Variants in KCNQ1 observed in about 807,000 individuals in gnomAD.
The protein encoded by KCNQ1 is potassium voltage-gated channel subfamily Q member 1, also known as potassium voltage-gated channel subfamily KQT member 1.
In KCNQ1, 49 loss-of-function variants were observed where a neutral mutation model predicts 72.4. The observed-to-expected ratio is 0.68, with a 90% CI of 0.54 to 0.86. The LOEUF is 0.86. KCNQ1 is among the 40% of genes least tolerant of loss of function. The pLI, the probability that KCNQ1 is intolerant of heterozygous loss-of-function variation, is 0.00. For synonymous variants in KCNQ1, 450 were observed against 412.6 expected, an observed-to-expected ratio of 1.09 and a Z score of -1.10; for missense variants, 790 against 945.1, an observed-to-expected ratio of 0.84 and a Z score of 2.15.
chr11:2,646,977 T>C (rs1212165278), intron 10 of KCNQ1: 3 of 398,516 alleles, frequency 7.5e-6, no homozygotes, highest in African/African-American at 2.1e-5. Flanking sequence ...GATACCCTTT[T>C]TCTTTTACTT....
chr11:2,835,397 T>TCACA (rs36227626), intron 15 of KCNQ1, among the ~76,000 whole-genome samples: 104 of 130,570 alleles, frequency 8.0e-4, no homozygotes, highest in African/African-American at 2.7e-3. Context: ...AAACCCTGAC[T>TCACA]CACACACACA....
In KCNQ1 at chr11:2,813,031, C is replaced by T. The variant is rs930262005; in HGVS notation, c.1795-34736C>T. On this transcript the variant is annotated intron_variant, in intron 15 of 15. Coordinates refer to ENST00000155840, the MANE Select transcript of KCNQ1 (RefSeq NM_000218.3). The surrounding 1 kb of genome is among the most constrained non-coding windows in gnomAD (Gnocchi z 4.4). ...CTGTGCCTGTGCCTGGAGGCTGTGG[C>T]CTGGCTCTCCAGCTGGAACAGAAGC... is the stretch of plus-strand genomic sequence containing the variant. Among the ~76,000 whole-genome samples, 5 of 152,228 alleles carry T rather than the reference C, an allele frequency of 3.3e-5. No homozygotes were observed. The highest frequency in any genetic ancestry group is 7.3e-5 in the Non-Finnish European group (5 of 68,036).
Position 2,617,730 on chromosome 11 carries a change from T to C in KCNQ1, c.1393+28876T>C, listed in dbSNP as rs1849091503. On this transcript the variant is annotated intron_variant, in intron 10 of 15. Coordinates refer to ENST00000155840, the MANE Select transcript of KCNQ1 (RefSeq NM_000218.3). This position sits in a 1 kb window ranked among gnomAD's most constrained non-coding sequence, Gnocchi z 4.6. ...AGCCAACACTTAATAGCTATTCTCA[T>C]GAGTGTGAGGTGATATCGCATAGTA... The C allele has an allele frequency of 2.5e-6, 1 of 398,384 alleles. No homozygotes were observed. The highest frequency in any genetic ancestry group is 2.1e-5 in the African/African-American group (1 of 48,638). 24.7% of individuals were successfully genotyped at this position (398,384 alleles called of 1,614,324 possible).
At chr11:2,844,150 C>G (rs551594892) in intron 15 of KCNQ1, among the ~76,000 whole-genome samples, 2 of 152,224 alleles carry the variant, frequency 1.3e-5, no homozygotes, top group South Asian at 2.1e-4. Flanking sequence ...GCGCCCTGCC[C>G]GCAGAGTGGT....
At chr11:2,568,934 G>T (rs1454369391) in intron 2 of KCNQ1, among the ~76,000 whole-genome samples, 10 of 152,328 alleles carry the variant, frequency 6.6e-5, no homozygotes, top group African/African-American at 2.4e-4. Context: ...ACCCAGGCTG[G>T]AGTACAATGG....
In KCNQ1 at chr11:2,680,116, T is replaced by A. The variant is rs376766966; in HGVS notation, c.1514+18035T>A. The A allele has an allele frequency of 1.5e-4, 59 of 393,484 alleles. No individual in the cohort carries two copies. The highest frequency in any genetic ancestry group is 1.2e-3 in the African/African-American group (55 of 47,318). 24.4% of individuals were successfully genotyped at this position (393,484 alleles called of 1,614,324 possible). A position where few individuals can be genotyped will look rare whatever the true frequency, so the allele number is the denominator to read the frequency against. On this transcript the variant is annotated intron_variant, in intron 11 of 15. Coordinates refer to ENST00000155840, the MANE Select transcript of KCNQ1 (RefSeq NM_000218.3). ...CATGTTGGCCAGGCTGGTCTCAAAC[T>A]CCTGACCTCAAGTGATCTGCCCGCC...
At position 2,462,644 on chromosome 11, in the gene KCNQ1, C is replaced by G. The variant is rs773374158; in HGVS notation, c.386+17160C>G. Among the ~76,000 whole-genome samples, 13 of 151,938 alleles carry G rather than the reference C, an allele frequency of 8.6e-5. No homozygotes were observed. The highest frequency in any genetic ancestry group is 1.3e-4 in the Non-Finnish European group (9 of 67,996). On this transcript the variant is annotated intron_variant, in intron 1 of 15. Transcript: ENST00000155840. The surrounding 1 kb of genome is among the most constrained non-coding windows in gnomAD (Gnocchi z 8.2). ...ACTTCTGTGTGCCCTGGGGCCTGCT[C>G]TCTTGGTAGGGGTTGACCCTGCCTG...
At chr11:2,631,059 C>T (rs1849344602) in intron 10 of KCNQ1, 4 of 398,476 alleles carry the variant, frequency 1.0e-5, no homozygotes, top group Non-Finnish European at 1.8e-5. Flanking sequence ...TAGGTGAAAC[C>T]TCTTTTAGAT....
At position 2,657,086 on chromosome 11, in the gene KCNQ1, T is replaced by C; in HGVS notation, c.1394-4875T>C. 1 of 398,624 alleles carries C rather than the reference T, an allele frequency of 2.5e-6. No individual in the cohort carries two copies. Among genetic ancestry groups the C allele is most frequent in the African/African-American group, 2.1e-5 (1 of 48,746 alleles). 24.7% of individuals were successfully genotyped at this position (398,624 alleles called of 1,614,324 possible). ...ATCCTGTCCCATTGGCCTATTTGTCTCTCCCTGTGTCAATACCACATTGCC... is the reference window on the plus strand; with the variant it reads ...ATCCTGTCCCATTGGCCTATTTGTCCCTCCCTGTGTCAATACCACATTGCC... On this transcript the variant is annotated intron_variant, in intron 10 of 15. Transcript: ENST00000155840. The surrounding 1 kb of genome is among the most constrained non-coding windows in gnomAD (Gnocchi z 4.8).
intron 15 of KCNQ1, among the ~76,000 whole-genome samples, chr11:2,838,501 T>A (rs1333908958): frequency 6.6e-6 from 1 of 152,106 alleles, no homozygotes; most frequent in Non-Finnish European, 1.5e-5. Flanking sequence ...GCCACCCTGC[T>A]GGGCTGGGGA....
rs1388565763 is a variant in KCNQ1 at position 2,620,908 on chromosome 11, A to G, written c.1393+32054A>G. 5.1e-6 allele frequency: 2 copies of G among 391,984 alleles called. No homozygotes were observed. The highest frequency in any genetic ancestry group is 8.9e-6 in the Non-Finnish European group (2 of 224,464). The allele number at this position is 391,984 out of a possible 1,614,324, so 24.3% of individuals were successfully genotyped here. ...TCTGACTGGTGTGAGATGGCATCCC[A>G]TTATGGTTTGGTGTTTTTTTGTTGT... On this transcript the variant is annotated intron_variant, in intron 10 of 15. Coordinates refer to ENST00000155840, the MANE Select transcript of KCNQ1 (RefSeq NM_000218.3). This position sits in a 1 kb window ranked among gnomAD's most constrained non-coding sequence, Gnocchi z 4.5.
chr11:2,837,391 C>G (rs533333973), intron 15 of KCNQ1, among the ~76,000 whole-genome samples: 1 of 152,108 alleles, frequency 6.6e-6, no homozygotes, highest in Non-Finnish European at 1.5e-5. Flanking sequence ...GAGCCCGCTC[C>G]GCGCTCACAG....
intron 15 of KCNQ1, among the ~76,000 whole-genome samples, chr11:2,806,308 G>A (rs1434402703): frequency 6.6e-6 from 1 of 152,208 alleles, no homozygotes; most frequent in Non-Finnish European, 1.5e-5. Flanking sequence ...AGGGGAGGGA[G>A]AGAGGAAGGG....
Position 2,776,070 on chromosome 11 carries a change from C to T in KCNQ1, c.1685+16C>T, listed in dbSNP as rs185774403. 33 of 1,546,308 alleles carry T rather than the reference C, an allele frequency of 2.1e-5. No homozygotes were observed. Among genetic ancestry groups the T allele is most frequent in the African/African-American group, 5.4e-5 (4 of 73,458 alleles). On this transcript the variant is annotated intron_variant, in intron 13 of 15. Transcript: ENST00000155840. ...TGCAGAGGAGGTGGGCACGGCCAAA[C>T]GGCAGCGGGGAGGGTGCCCAGGTCC...
At position 2,484,701 on chromosome 11, in the gene KCNQ1, T is replaced by C. The variant is rs1248755557; in HGVS notation, c.386+39217T>C. Among the ~76,000 whole-genome samples, 1 of 152,112 alleles carries C rather than the reference T, an allele frequency of 6.6e-6. No homozygotes were observed. The highest frequency in any genetic ancestry group is 1.5e-5 in the Non-Finnish European group (1 of 68,020). ...TGGTCTTTAGAAACCCAGGCCTGGGTGCATGGTGTGCTCATCGCCACTGTG... is the reference window on the plus strand; with the variant it reads ...TGGTCTTTAGAAACCCAGGCCTGGGCGCATGGTGTGCTCATCGCCACTGTG... On this transcript the variant is annotated intron_variant, in intron 1 of 15. Coordinates refer to ENST00000155840, the MANE Select transcript of KCNQ1 (RefSeq NM_000218.3). This position sits in a 1 kb window ranked among gnomAD's most constrained non-coding sequence, Gnocchi z 5.2.
chr11:2,541,719 T>A lies in KCNQ1; in HGVS notation c.477+13701T>A, dbSNP rs1312688970. 3.3e-5 allele frequency among the ~76,000 whole-genome samples: 5 copies of A among 151,518 alleles called. No individual in the cohort carries two copies. The highest frequency in any genetic ancestry group is 3.9e-4 in the East Asian group (2 of 5,146). On this transcript the variant is annotated intron_variant, in intron 2 of 15. Coordinates refer to ENST00000155840, the MANE Select transcript of KCNQ1 (RefSeq NM_000218.3). The surrounding 1 kb of genome is among the most constrained non-coding windows in gnomAD (Gnocchi z 4.8). ...GGTGTTTTGAGTTTTTTTTTTTTTT[T>A]AAATGAGGACATCTGTTAGACCACT...
At chr11:2,688,478 C>G in intron 11 of KCNQ1, 1 of 398,738 alleles carries the variant, frequency 2.5e-6, no homozygotes, top group Non-Finnish European at 4.4e-6. Context: ...CACTGAGGCT[C>G]TGCCTCTGGT....
At position 2,522,356 on chromosome 11, in the gene KCNQ1, G is replaced by A. The variant is rs373017083; in HGVS notation, c.387-5572G>A. Among the ~76,000 whole-genome samples, 8 of 152,080 alleles carry A rather than the reference G, an allele frequency of 5.3e-5. No homozygotes were observed. The East Asian group carries it at 7.7e-4, about 15-fold the overall frequency. ...CGAGTCCAAAACACGCATAGGATTC[G>A]TCCTCTCCCAGGGCCTTAGTTTCCC... On this transcript the variant is annotated intron_variant, in intron 1 of 15. Transcript: ENST00000155840.
rs145316516 is a variant in KCNQ1 at position 2,656,362 on chromosome 11, C to T, written c.1394-5599C>T. On this transcript the variant is annotated intron_variant, in intron 10 of 15. Coordinates refer to ENST00000155840, the MANE Select transcript of KCNQ1 (RefSeq NM_000218.3). Reference sequence around the variant, plus strand: ...AAATCTGCACATTCTTCAAGCCTTACAGGTCCTTCCCTGGTCTCTCTAAGG... The same window carrying T: ...AAATCTGCACATTCTTCAAGCCTTATAGGTCCTTCCCTGGTCTCTCTAAGG... The T allele has an allele frequency of 4.2e-4, 167 of 398,664 alleles. 1 individual carries two copies. The East Asian group carries it at 5.8e-3, about 14-fold the overall frequency. 24.7% of individuals were successfully genotyped at this position (398,664 alleles called of 1,614,324 possible). A position where few individuals can be genotyped will look rare whatever the true frequency, so the allele number is the denominator to read the frequency against.
Sources: allele counts gnomAD v4.1 joint callset (sites outside exome capture counted in the v4.1 genomes callset), GRCh38; gene constraint gnomAD v4.1.1; non-coding constraint Gnocchi (gnomAD v3.1); transcripts MANE v1.5; gene names NCBI Gene and HGNC (gene_info 2026-07-23, HGNC 2026-07-21).